Variants in WNK2 observed in about 807,000 individuals in gnomAD.
The protein encoded by WNK2 is serine/threonine-protein kinase WNK2.
In WNK2, 67 loss-of-function variants were observed where a neutral mutation model predicts 192.1. The ratio of observed to expected loss-of-function variants is 0.35; its 90% CI spans 0.29 to 0.43. The LOEUF is 0.43. WNK2 is among the 20% of genes least tolerant of loss of function. The probability of loss-of-function intolerance (pLI) is 1.00; values close to 1 mark genes in which losing one functional copy is unlikely to be tolerated. For synonymous variants in WNK2, 1,439 were observed against 1,393.9 expected (o/e 1.03, Z -0.72); for missense variants, 2,698 against 3,089.7 (o/e 0.87, Z 3.01).
chr9:93,193,168 C>T (rs565947418), intron 2 of WNK2, among the ~76,000 whole-genome samples: 5 of 152,228 alleles, frequency 3.3e-5, no homozygotes, highest in South Asian at 2.1e-4. Context: ...CCAGGAAGGA[C>T]GTCGCCCCAA....
chr9:93,312,484 C>T (rs1405606064), intron 28 of WNK2, among the ~76,000 whole-genome samples: 1 of 152,114 alleles, frequency 6.6e-6, no homozygotes, highest in African/African-American at 2.4e-5. Flanking sequence ...AAGCAATTCT[C>T]CTGCCTCAGC....
intron 2 of WNK2, 139 bp downstream of exon 2, chr9:93,185,749 A>G (rs2130846646): frequency 9.7e-7 from 1 of 1,035,612 alleles, no homozygotes; most frequent in Non-Finnish European, 1.4e-6. Flanking sequence ...CTCTGTGTGG[A>G]TGGCTGGCAG....
chr9:93,299,542 G>A (rs1201718537), intron 25 of WNK2, among the ~76,000 whole-genome samples: 1 of 152,164 alleles, frequency 6.6e-6, no homozygotes, highest in Non-Finnish European at 1.5e-5. Context: ...GGAGGGCAGG[G>A]GACCTGGCAT....
chr9:93,300,268 A>G, intron 26 of WNK2, 119 bp downstream of exon 26: 1 of 810,468 alleles, frequency 1.2e-6, no homozygotes, highest in Non-Finnish European at 2.0e-6. Context: ...ACCCCATCGA[A>G]GTCACCTATT....
chr9:93,196,093 C>T (rs920595113), intron 2 of WNK2, among the ~76,000 whole-genome samples: 2 of 152,186 alleles, frequency 1.3e-5, no homozygotes, highest in African/African-American at 4.8e-5. Flanking sequence ...TTGAAGGGTG[C>T]GAGGGGGAAG....
At chr9:93,249,907 A>ATTT (rs58293954) in intron 8 of WNK2, among the ~76,000 whole-genome samples, 9,638 of 85,354 alleles carry the variant, frequency 0.11, 1,652 homozygotes, top group Middle Eastern at 0.23. Context: ...GATGCTACCA[A>ATTT]TTTTTTTTTT....
intron 2 of WNK2, among the ~76,000 whole-genome samples, chr9:93,204,426 A>G (rs907308048): frequency 7.2e-5 from 11 of 152,272 alleles, no homozygotes; most frequent in Middle Eastern, 3.4e-3. Context: ...CAGGTTTGGA[A>G]TGGGGGCCAG....
chr9:93,293,942 GTC>G (rs1013277219), intron 23 of WNK2, among the ~76,000 whole-genome samples: 6 of 151,054 alleles, frequency 4.0e-5, no homozygotes, highest in African/African-American at 1.5e-4. Context: ...CTCTGTCTCT[GTC>G]TCTCTCTCTC....
At position 93,317,585 on chromosome 9, in the gene WNK2, C is replaced by T. The variant is rs1347810404; in HGVS notation, c.6582C>T (p.Thr2194=). 6.2e-7 allele frequency: 1 copy of T among 1,613,260 alleles called. No homozygotes were observed. The highest frequency in any genetic ancestry group is 1.7e-5 in the Admixed American group (1 of 60,008). ...CCCCAGCGCCCGGCCCTCTGTCCAC[C>T]ACGGTCATTCCCGGAGCCGCCCCGA... The part of the protein sequence containing the change: ...RLPPAPGPLS[T]TVIPGAAPTL... The change falls in exon 29 of 30, where the codon ACC becomes ACT. Residue 2194 remains threonine, a synonymous_variant. Transcript: ENST00000427277.
intron 4 of WNK2, among the ~76,000 whole-genome samples, chr9:93,232,925 G>A (rs373736116): frequency 7.6e-6 from 1 of 131,646 alleles, no homozygotes; most frequent in Non-Finnish European, 1.5e-5. Context: ...TCAGGGGTTC[G>A]AGGCTAGTCT....
Position 93,289,358 on chromosome 9 carries a change from G to A in WNK2, c.4604G>A (p.Gly1535Glu), listed in dbSNP as rs1185813340. Residue 1535 changes from glycine to glutamate, a missense_variant, in exon 20 of 30, where the codon GGG becomes GAG. Physicochemically the swap from Gly to Glu is moderately conservative, Grantham distance 98. Transcript: ENST00000427277. ...CCACCCTCGGCCCTGGAGTCGGATG[G>A]GGAAGGGCCGCCCCCCAGGGTGGGC... ...PQPPSALESDGEGPPPRVGFV... is the reference protein window; with the variant it reads ...PQPPSALESDEEGPPPRVGFV... 1.2e-6 allele frequency: 2 copies of A among 1,611,164 alleles called. No individual in the cohort carries two copies. The highest frequency in any genetic ancestry group is 2.2e-5 in the South Asian group (2 of 90,890).
chr9:93,188,160 C>T (rs1025603208), intron 2 of WNK2, among the ~76,000 whole-genome samples: 2 of 152,152 alleles, frequency 1.3e-5, no homozygotes, highest in Admixed American at 6.5e-5. Flanking sequence ...TGGCCTCTAT[C>T]CCTTTCTTCC....
chr9:93,275,016 G>T (rs936752912), intron 19 of WNK2, among the ~76,000 whole-genome samples: 1 of 151,884 alleles, frequency 6.6e-6, no homozygotes, highest in African/African-American at 2.4e-5. Flanking sequence ...AACATAGAGG[G>T]CAAATATTCT....
In WNK2 at chr9:93,306,834, G is replaced by T; in HGVS notation, c.6259+13G>T. 1.2e-6 allele frequency: 2 copies of T among 1,614,056 alleles called. No individual in the cohort carries two copies. The highest frequency in any genetic ancestry group is 1.7e-6 in the Non-Finnish European group (2 of 1,179,892). ...GAACACAGCAGTAGTAATTATCCGG[G>T]TTTTTTCCCCTTTGTCCTCTCTCAT... On this transcript the variant is annotated intron_variant, in intron 27 of 29. Transcript: ENST00000427277.
intron 15 of WNK2, 40 bp downstream of exon 15, chr9:93,263,774 G>C: frequency 1.7e-6 from 1 of 589,370 alleles, no homozygotes; most frequent in Non-Finnish European, 2.7e-6. Context: ...GTGGGGGTGG[G>C]GGCATGGTGG....
chr9:93,235,234 C>T (rs1374584538), intron 5 of WNK2, among the ~76,000 whole-genome samples: 1 of 152,178 alleles, frequency 6.6e-6, no homozygotes, highest in Non-Finnish European at 1.5e-5. Context: ...GAGGCTGTCG[C>T]TCTCACAGCA....
chr9:93,292,946 C>T lies in WNK2; in HGVS notation c.5481C>T (p.Pro1827=), dbSNP rs754642566. Residue 1827 remains proline, a synonymous_variant, in exon 23 of 30, where the codon CCC becomes CCT. Coordinates refer to ENST00000427277, the MANE Select transcript of WNK2 (RefSeq NM_006648.4). ...RPPVQKQASL[P]VSGSVAGDFV... ...CGGTGCAGAAGCAGGCGTCCCTGCC[C>T]GTGAGTGGCAGCGTGGCTGGCGACT... 39 of 1,533,598 alleles carry T rather than the reference C, an allele frequency of 2.5e-5. No individual in the cohort carries two copies. Among genetic ancestry groups the T allele is most frequent in the East Asian group, 4.6e-5 (2 of 43,862 alleles). 95.0% of individuals were successfully genotyped at this position (1,533,598 alleles called of 1,614,324 possible). A position where few individuals can be genotyped will look rare whatever the true frequency, so the allele number is the denominator to read the frequency against.
At chr9:93,289,672 C>T in intron 20 of WNK2, 52 bp downstream of exon 20, 1 of 1,419,256 alleles carries the variant, frequency 7.0e-7, no homozygotes, top group Non-Finnish European at 9.2e-7. Context: ...GGGCCGGAGC[C>T]CGGGCGCAGG....
In WNK2 at chr9:93,229,926, A is replaced by G. The variant is rs1838451271; in HGVS notation, c.854+58A>G. On this transcript the variant is annotated intron_variant, in intron 3 of 29. Transcript: ENST00000427277. The surrounding 1 kb of genome is among the most constrained non-coding windows in gnomAD (Gnocchi z 4.9). Reference sequence around the variant, plus strand: ...CCTGGCATGGGTGCAGGGCTACCATAGCTGAGGGTGAGGTCTTGGGCTGCT... The same window carrying G: ...CCTGGCATGGGTGCAGGGCTACCATGGCTGAGGGTGAGGTCTTGGGCTGCT... The G allele has an allele frequency of 1.9e-6, 3 of 1,579,160 alleles. No individual in the cohort carries two copies. The highest frequency in any genetic ancestry group is 1.1e-5 in the South Asian group (1 of 87,582).
Sources: allele counts gnomAD v4.1 joint callset (sites outside exome capture counted in the v4.1 genomes callset), GRCh38; gene constraint gnomAD v4.1.1; non-coding constraint Gnocchi (gnomAD v3.1); transcripts MANE v1.5; gene names NCBI Gene and HGNC (gene_info 2026-07-23, HGNC 2026-07-21).